The following CFAP47 variants were observed in gnomAD, a reference collection of about 807,000 sequenced individuals.
CFAP47 encodes the protein cilia and flagella associated protein 47.
CFAP47 carries 29 observed loss-of-function variants against 148.1 expected under a neutral mutation model. The ratio of observed to expected loss-of-function variants is 0.20; its 90% CI spans 0.15 to 0.27. The LOEUF is 0.27. Among genes scored for constraint, CFAP47 ranks in the 10% least tolerant of loss-of-function variants. CFAP47 has a pLI of 1.00. For missense variants in CFAP47, 1,872 were observed against 1,697.5 expected, an observed-to-expected ratio of 1.10 and a Z score of -1.81; for synonymous variants, 664 against 577.3, an observed-to-expected ratio of 1.15 and a Z score of -2.15.
At chrX:36,016,721 T>G (rs975934834) in intron 22 of CFAP47, among the ~76,000 whole-genome samples, 7 of 98,763 alleles carry the variant, frequency 7.1e-5, no homozygotes, top group Non-Finnish European at 1.4e-4. Flanking sequence ...TTTTTTTTTT[T>G]TTTTGAGGAA....
Position 36,089,861 on chromosome X carries a change from C to G in CFAP47, c.4916+4323C>G, listed in dbSNP as rs73470948. On this transcript the variant is annotated intron_variant, in intron 30 of 63. Coordinates refer to ENST00000378653, the MANE Select transcript of CFAP47 (RefSeq NM_001304548.2). ...AAAAAAAGAATTAGAAATAATATAA[C>G]GTGAATCACGTGACATATAGTAGAT... Among the ~76,000 whole-genome samples, 4 of 111,371 alleles carry G rather than the reference C, an allele frequency of 3.6e-5. No homozygotes were observed. In the South Asian group the frequency reaches 1.5e-3, roughly 42 times the overall value.
chrX:36,129,243 A>C (rs943868627), intron 33 of CFAP47, among the ~76,000 whole-genome samples: 1 of 111,058 alleles, frequency 9.0e-6, no homozygotes, highest in Non-Finnish European at 1.9e-5. Context: ...AAAATTATTC[A>C]TAAATTATTG....
intron 39 of CFAP47, among the ~76,000 whole-genome samples, chrX:36,166,896 C>A (rs946738796): frequency 9.0e-6 from 1 of 111,707 alleles, no homozygotes; most frequent in Admixed American, 9.6e-5. Context: ...CACAATTACC[C>A]TGGGATTACA....
intron 26 of CFAP47, 145 bp from the exon 27 acceptor site, chrX:36,065,498 A>G (rs1937629348): frequency 7.1e-6 from 3 of 425,360 alleles, no homozygotes; most frequent in Non-Finnish European, 8.3e-6. Context: ...AACATTGAGT[A>G]GATGGTTAAA....
intron 22 of CFAP47, among the ~76,000 whole-genome samples, chrX:36,017,864 A>G (rs1937113897): frequency 3.6e-5 from 4 of 111,365 alleles, no homozygotes; most frequent in Non-Finnish European, 5.7e-5. Context: ...TTGTGGTTCC[A>G]TATAAATTTT....
At chrX:36,117,589 A>G (rs762587236) in intron 33 of CFAP47, among the ~76,000 whole-genome samples, 1 of 111,584 alleles carries the variant, frequency 9.0e-6, no homozygotes, top group East Asian at 2.8e-4. Flanking sequence ...TTTTGATTGG[A>G]TTATTCCATT....
At chrX:36,083,692 G>A (rs1938027393) in intron 29 of CFAP47, among the ~76,000 whole-genome samples, 1 of 111,449 alleles carries the variant, frequency 9.0e-6, no homozygotes, top group Non-Finnish European at 1.9e-5. Context: ...GCTGGTGATA[G>A]TGATGGGTGA....
At chrX:36,243,742 TAGAC>T (rs1940579555) in intron 48 of CFAP47, among the ~76,000 whole-genome samples, 1 of 99,863 alleles carries the variant, frequency 1.0e-5, no homozygotes, top group South Asian at 5.2e-4. Context: ...TCCAAAGACA[TAGAC>T]AGCCACATAA....
chrX:36,058,257 A>G (rs1277491604), intron 26 of CFAP47, among the ~76,000 whole-genome samples: 6 of 112,101 alleles, frequency 5.4e-5, no homozygotes, highest in African/African-American at 1.3e-4. Context: ...GAGAAAACAT[A>G]TCACCAAACA....
intron 25 of CFAP47, among the ~76,000 whole-genome samples, chrX:36,040,482 T>G (rs1190842624): frequency 8.9e-6 from 1 of 111,802 alleles, no homozygotes; most frequent in Non-Finnish European, 1.9e-5. Context: ...ACGTTACAAT[T>G]AGAGAATACA....
chrX:36,254,182 G>A (rs1555998618), intron 49 of CFAP47, among the ~76,000 whole-genome samples: 2 of 111,240 alleles, frequency 1.8e-5, no homozygotes, highest in African/African-American at 6.5e-5. Flanking sequence ...GGGTCTGAGA[G>A]GGCTTCACAG....
chrX:36,002,003 GC>G (rs1936921205), intron 21 of CFAP47, among the ~76,000 whole-genome samples: 1 of 111,426 alleles, frequency 9.0e-6, no homozygotes. Flanking sequence ...TATATTCCAG[GC>G]AGTTGGTGCT....
At chrX:36,324,422 T>C (rs1271731881) in intron 57 of CFAP47, among the ~76,000 whole-genome samples, 1 of 111,407 alleles carries the variant, frequency 9.0e-6, no homozygotes, top group East Asian at 2.8e-4. Context: ...AGATGTAAAA[T>C]TAGACCTAGA....
intron 21 of CFAP47, among the ~76,000 whole-genome samples, chrX:36,006,660 A>G (rs1319406137): frequency 8.9e-6 from 1 of 112,132 alleles, no homozygotes; most frequent in Non-Finnish European, 1.9e-5. Context: ...CCTTTCCTAC[A>G]CTGCACCAGG....
chrX:36,078,531 CT>C (rs761063001), intron 29 of CFAP47, among the ~76,000 whole-genome samples: 2 of 107,638 alleles, frequency 1.9e-5, no homozygotes, highest in African/African-American at 6.9e-5. Flanking sequence ...GCAACCCCTA[CT>C]TTTTTTTTGT....
At chrX:36,227,516 A>G (rs1457200567) in intron 45 of CFAP47, among the ~76,000 whole-genome samples, 1 of 111,394 alleles carries the variant, frequency 9.0e-6, no homozygotes, top group Non-Finnish European at 1.9e-5. Flanking sequence ...AGGGTAGTTA[A>G]TGTTCTTGCA....
chrX:36,365,367 GCAGTAATGAATACCCTTATATACAT>G (rs1556020092), intron 61 of CFAP47, among the ~76,000 whole-genome samples: 1 of 110,157 alleles, frequency 9.1e-6, no homozygotes, highest in Non-Finnish European at 1.9e-5. Context: ...TATAAACAAT[GCAGTAATGAATACCCTTATATACAT>G]CACTTCTTGA....
At chrX:36,194,175 A>G (rs1374608056) in intron 42 of CFAP47, among the ~76,000 whole-genome samples, 1 of 111,890 alleles carries the variant, frequency 8.9e-6, no homozygotes, top group Non-Finnish European at 1.9e-5. Flanking sequence ...TCTTCCCAAC[A>G]TAGTTTAATT....
intron 10 of CFAP47, 90 bp downstream of exon 10, chrX:35,967,922 C>T (rs111962805): frequency 5.1e-4 from 172 of 338,949 alleles, no homozygotes; most frequent in African/African-American, 5.1e-3. Flanking sequence ...CTGTATAACA[C>T]TAATGATTAC....
Sources: gnomAD v4.1 joint callset for allele counts (sites outside exome capture counted in the v4.1 genomes callset) on GRCh38, gnomAD v4.1.1 for gene constraint, MANE v1.5 for transcripts, NCBI Gene and HGNC (gene_info 2026-07-23, HGNC 2026-07-21) for gene names.